Variants in OBSL1 observed in about 807,000 individuals in gnomAD.
OBSL1 encodes the protein obscurin like cytoskeletal adaptor 1.
Under a neutral mutation model 172.0 loss-of-function variants are expected in OBSL1, and 160 were observed. That is an observed-to-expected ratio of 0.93 (90% CI 0.82 to 1.06). The LOEUF (loss-of-function observed/expected upper bound fraction) is 1.06. Ranked by LOEUF, OBSL1 falls within the 50% of genes least tolerant of loss-of-function variation. The pLI is 0.00. For synonymous variants in OBSL1, 1,200 were observed against 1,196.3 expected, an observed-to-expected ratio of 1.00 and a Z score of -0.06; for missense variants, 2,681 against 2,715.4, an observed-to-expected ratio of 0.99 and a Z score of 0.28.
chr2:219,570,089 G>T, intron 1 of OBSL1, 132 bp downstream of exon 1: 1 of 796,798 alleles, frequency 1.3e-6, no homozygotes, highest in Non-Finnish European at 1.8e-6. Context: ...GGGCGGGTTT[G>T]GTATTTTAAT....
At position 219,567,065 on chromosome 2, in the gene OBSL1, G is replaced by A. The variant is rs747622984; in HGVS notation, c.1899C>T (p.Ala633=). 2.1e-5 allele frequency: 34 copies of A among 1,613,090 alleles called. No homozygotes were observed. The South Asian group carries it at 2.5e-4, about 12-fold the overall frequency. ...TGGTGGAGAGATCGAGGGAGAAGAC[G>A]GCATCTTCCCCGTCGTATACCTGCA... is the stretch of plus-strand genomic sequence containing the variant. The part of the protein sequence containing the change: ...EDVQVYDGED[A]VFSLDLSTII... Residue 633 remains alanine (A), a synonymous_variant, in exon 5 of 21, where the codon GCC becomes GCT. Coordinates refer to ENST00000404537, the MANE Select transcript of OBSL1 (RefSeq NM_015311.3).
intron 1 of OBSL1, 74 bp downstream of exon 1, chr2:219,570,147 C>A: frequency 7.5e-7 from 1 of 1,332,472 alleles, no homozygotes; most frequent in South Asian, 1.6e-5. Context: ...GCGCTGGGCA[C>A]CGAGGAGGGC....
Position 219,564,285 on chromosome 2 carries a change from C to T in OBSL1, c.2408-658G>A, listed in dbSNP as rs190404769. Reference sequence around the variant, plus strand: ...GGAGCTTCCTAAAGCAGCCAGCCTACGGACTGCCTTGTGAGAACCACGGGG... The same window carrying T: ...GGAGCTTCCTAAAGCAGCCAGCCTATGGACTGCCTTGTGAGAACCACGGGG... On this transcript the variant is annotated intron_variant, in intron 6 of 20. Coordinates refer to ENST00000404537, the MANE Select transcript of OBSL1 (RefSeq NM_015311.3). Among the ~76,000 whole-genome samples the T allele has an allele frequency of 3.3e-4, 51 of 152,324 alleles. 1 individual carries two copies. Among genetic ancestry groups the T allele is most frequent in the Non-Finnish European group, 6.3e-4 (43 of 68,028 alleles).
chr2:219,552,176 C>G lies in OBSL1; in HGVS notation c.5349G>C (p.Glu1783Asp), dbSNP rs890533920. 1 of 1,611,046 alleles carries G rather than the reference C, an allele frequency of 6.2e-7. No individual in the cohort carries two copies. The highest frequency in any genetic ancestry group is 1.3e-5 in the African/African-American group (1 of 74,930). ...CCTGGAAGCGGACTTCACCGGCGTC[C>G]TCGGCGCGCAGCTCGCTAAGCACCA... ...HILVLSELRA[E>D]DAGEVRFQAG... Residue 1783 changes from glutamate (E) to aspartate (D), a missense_variant, in exon 19 of 21, where the codon GAG becomes GAC. Transcript: ENST00000404537.
rs755314710 is a variant in OBSL1 at position 219,556,152 on chromosome 2, CGTG to C, written c.4474_4476del (p.His1492del). The C allele has an allele frequency of 1.9e-6, 3 of 1,613,756 alleles. No homozygotes were observed. The highest frequency in any genetic ancestry group is 2.2e-5 in the South Asian group (2 of 91,074). On this transcript the variant is annotated inframe_deletion, in exon 14 of 21. Transcript: ENST00000404537. ...TCCTGGGCCATGGACAGGCGAGAGTCGTGGGGCAGGGGCTGCCCACCTCGCACC... is the reference window on the plus strand; with the variant it reads ...TCCTGGGCCATGGACAGGCGAGAGTCGGGCAGGGGCTGCCCACCTCGCACC...
At chr2:219,549,100 G>A (rs1268761538), downstream of OBSL1, 1 of 1,605,356 alleles carries the variant, frequency 6.2e-7, no homozygotes. Flanking sequence ...AGGGCTCAAG[G>A]GAAACAAGGC....
chr2:219,550,111 C>T (rs1222046795), downstream of OBSL1: 4 of 466,104 alleles, frequency 8.6e-6, no homozygotes, highest in African/African-American at 3.9e-5. Flanking sequence ...AGTGTGTTGC[C>T]CGTGTGTCTG....
rs200343179 is a variant in OBSL1, at chr2:219,567,446, C to A, written c.1664G>T (p.Arg555Leu). 6.2e-7 allele frequency: 1 copy of A among 1,613,358 alleles called. No homozygotes were observed. The highest frequency in any genetic ancestry group is 2.2e-5 in the East Asian group (1 of 44,846). ...CCAGTCTTCAGAGCCCACTTCCTGC[C>A]GCTCCAGCCGGTAGATGAATGGGGT... is the stretch of plus-strand genomic sequence containing the variant. The part of the protein sequence containing the change: ...PETPFIYRLE[R>L]QEVGSEDWIQ... The change falls in exon 4 of 21, where the codon CGG becomes CTG. Residue 555 changes from arginine to leucine, a missense_variant. By Grantham distance (102) the Arg-to-Leu change is moderately radical. Transcript: ENST00000404537.
intron 15 of OBSL1, among the ~76,000 whole-genome samples, chr2:219,554,068 C>T (rs762066108): frequency 3.3e-5 from 5 of 152,068 alleles, no homozygotes; most frequent in Non-Finnish European, 7.4e-5. Context: ...CGCCCGTAGG[C>T]AGTCAGTGGA....
Position 219,566,879 on chromosome 2 carries a change from G to A in OBSL1, c.2085C>T (p.Val695=), listed in dbSNP as rs762452921. The change falls in exon 5 of 21, where the codon GTC becomes GTT. Residue 695 remains valine (V), a synonymous_variant. Coordinates refer to ENST00000404537, the MANE Select transcript of OBSL1 (RefSeq NM_015311.3). ...AVKHQDSGAL[V]GFSCPGVQDS... ...CCTGCACGCCGGGGCAGCTGAAGCC[G>A]ACCAGGGCACCGCTGTCCTGGTGCT... 6.2e-6 allele frequency: 10 copies of A among 1,600,458 alleles called. No individual in the cohort carries two copies. Among genetic ancestry groups the A allele is most frequent in the East Asian group, 2.2e-5 (1 of 44,508 alleles).
intron 6 of OBSL1, 141 bp downstream of exon 6, chr2:219,565,101 G>A (rs966990022): frequency 2.4e-5 from 20 of 847,658 alleles, no homozygotes; most frequent in African/African-American, 3.4e-5. Context: ...CAAGTGCAGA[G>A]TTATCTGAAA....
At chr2:219,549,238 C>G, downstream of OBSL1, 1 of 1,614,002 alleles carries the variant, frequency 6.2e-7, no homozygotes, top group Non-Finnish European at 8.5e-7. Flanking sequence ...GAAAAAGAGA[C>G]CTCCTCGGGC....
intron 7 of OBSL1, chr2:219,562,963 T>G: frequency 1.9e-6 from 1 of 519,528 alleles, no homozygotes; most frequent in Non-Finnish European, 3.4e-6. Context: ...AGGGACGGTA[T>G]GAAGGGTGGA....
chr2:219,570,406 T>A lies in OBSL1; in HGVS notation c.827A>T (p.Glu276Val). 1.2e-6 allele frequency: 2 copies of A among 1,613,256 alleles called. No individual in the cohort carries two copies. The highest frequency in any genetic ancestry group is 1.7e-6 in the Non-Finnish European group (2 of 1,179,606). ...GCGGCCCTCCCAGTGCCATTCGATCTCGGGCTCGGGCTTGCCCATCACGTA... is the reference window on the plus strand; with the variant it reads ...GCGGCCCTCCCAGTGCCATTCGATCACGGGCTCGGGCTTGCCCATCACGTA... The part of the protein sequence containing the change: ...RCYVMGKPEP[E>V]IEWHWEGRPL... Residue 276 changes from glutamate to valine, a missense_variant, in exon 1 of 21, where the codon GAG becomes GTG. Glu to Val is a moderately radical substitution (Grantham distance 121, BLOSUM62 -2). Transcript: ENST00000404537.
At chr2:219,555,903 G>T in intron 14 of OBSL1, 117 bp downstream of exon 14, 1 of 1,499,454 alleles carries the variant, frequency 6.7e-7, no homozygotes, top group Admixed American at 2.2e-5. Flanking sequence ...GGACGGCCAT[G>T]GGTGACTTTT....
In OBSL1 at chr2:219,551,654, T is replaced by C. The variant is rs1202968018; in HGVS notation, c.5558A>G (p.Lys1853Arg). Residue 1853 changes from lysine (K) to arginine (R), a missense_variant, in exon 20 of 21, where the codon AAG becomes AGG. By Grantham distance (26) the Lys-to-Arg change is conservative. Coordinates refer to ENST00000404537, the MANE Select transcript of OBSL1 (RefSeq NM_015311.3). The part of the protein sequence containing the change: ...REGAELCPGD[K>R]YEMRSHGPTH... The stretch of plus-strand genomic sequence containing the variant: ...GGGGCCGTGGCTGCGCATCTCATAC[T>C]TATCTCCCGGGCACAGCTCGGCCCC... The C allele has an allele frequency of 9.3e-6, 15 of 1,611,868 alleles. No individual in the cohort carries two copies. Among genetic ancestry groups the C allele is most frequent in the Non-Finnish European group, 1.2e-5 (14 of 1,179,312 alleles).
In OBSL1 at chr2:219,556,705, A is replaced by C; in HGVS notation, c.4085T>G (p.Leu1362Arg). The C allele has an allele frequency of 6.2e-7, 1 of 1,603,312 alleles. No homozygotes were observed. Among genetic ancestry groups the C allele is most frequent in the Non-Finnish European group, 8.5e-7 (1 of 1,171,212 alleles). ...VSVEEPLLVK[L>R]VSELTPLTVH... is the part of the protein sequence containing the mutation. ...AGTGAGTGGTGTCAGCTCCGAGACC[A>C]GCTTCACCAGCAGTGGCTCTAAGGG... Residue 1362 changes from leucine (L) to arginine (R), a missense_variant, in exon 13 of 21, where the codon CTG (leucine) becomes CGG (arginine). This residue lies in a region of OBSL1 where 1,765 missense variants were observed against 1,748.3 expected (regional missense o/e 1.01). Transcript: ENST00000404537.
downstream of OBSL1, chr2:219,550,282 C>T (rs1168360012): frequency 1.1e-5 from 2 of 186,358 alleles, no homozygotes; most frequent in Non-Finnish European, 2.2e-5. Context: ...GGCTACCTTC[C>T]TTCCCATCGC....
chr2:219,551,764 G>T lies in OBSL1; in HGVS notation c.5448C>A (p.Arg1816=). 1.3e-6 allele frequency: 2 copies of T among 1,594,350 alleles called. No homozygotes were observed. The highest frequency in any genetic ancestry group is 1.1e-5 in the South Asian group (1 of 90,310). Residue 1816 remains arginine, a synonymous_variant, in exon 20 of 21, where the codon CGC becomes CGA. Transcript: ENST00000404537. ...LPLQMCRHPP[R]EKTVLVGRRA... ...GGCGGCCCACCAGAACGGTCTTCTC[G>T]CGAGGGGGGTGGCGGCACATCTGGA...
Sources: gnomAD v4.1 joint callset for allele counts (sites outside exome capture counted in the v4.1 genomes callset) on GRCh38, gnomAD v4.1.1 for gene constraint, gnomAD v4.1.1 regional missense constraint, MANE v1.5 for transcripts, NCBI Gene and HGNC (gene_info 2026-07-23, HGNC 2026-07-21) for gene names.